The following NAV1 variants were observed in gnomAD, a reference collection of about 807,000 sequenced individuals.
The protein encoded by NAV1 is pore membrane and/or filament interacting like protein 3.
A neutral mutation model predicts 175.2 loss-of-function variants in NAV1; 18 were observed. The observed-to-expected ratio is 0.10, with a 90% confidence interval of 0.07 to 0.15. NAV1 has a LOEUF of 0.15. Among genes scored for constraint, NAV1 ranks in the 10% least tolerant of loss-of-function variants. The pLI is 1.00. For synonymous variants in NAV1, 897 were observed against 978.7 expected (o/e 0.92, Z 1.56); for missense variants, 1,731 against 2,436.6 (o/e 0.71, Z 6.10).
At position 201,539,637 on chromosome 1, in the gene NAV1, G is replaced by A. The variant is rs546758437; in HGVS notation, c.-144+295G>A. Among the ~76,000 whole-genome samples, 2 of 152,304 alleles carry A rather than the reference G, an allele frequency of 1.3e-5. No homozygotes were observed. The highest frequency in any genetic ancestry group is 4.8e-5 in the African/African-American group (2 of 41,574). On this transcript the variant is annotated intron_variant, in intron 1 of 33. Transcript: ENST00000685211. The surrounding 1 kb of genome is among the most constrained non-coding windows in gnomAD (Gnocchi z 5.6). ...GGGGCTGCCTAACTTCAGTCCCTCT[G>A]AGCCTCAGTTTCCTTGTTGTGAAAT...
chr1:201,584,569 G>A (rs540740786), intron 1 of NAV1, among the ~76,000 whole-genome samples: 1 of 152,340 alleles, frequency 6.6e-6, no homozygotes, highest in East Asian at 1.9e-4. Context: ...TCCTGGAGAT[G>A]GAATACAGCT....
At chr1:201,546,010 G>A (rs1665661484) in intron 1 of NAV1, among the ~76,000 whole-genome samples, 2 of 152,200 alleles carry the variant, frequency 1.3e-5, no homozygotes, top group African/African-American at 2.4e-5. Flanking sequence ...CTGGGAAGGA[G>A]TATCTGGGTT....
At chr1:201,553,311 C>T (rs1047531369) in intron 1 of NAV1, among the ~76,000 whole-genome samples, 16 of 152,222 alleles carry the variant, frequency 1.1e-4, no homozygotes, top group African/African-American at 3.6e-4. Context: ...CCAGGGCTGC[C>T]GGCTCTGTTT....
chr1:201,819,962 A>G, exon 30 of NAV1: 2 of 1,601,530 alleles, frequency 1.2e-6, no homozygotes, highest in African/African-American at 1.3e-5. Flanking sequence ...ACCCCCGGAC[A>G]GCAGAACGCT....
intron 17 of NAV1, among the ~76,000 whole-genome samples, chr1:201,804,775 CAAAATTGGCCTGTTAT>C (rs950559432): frequency 1.3e-5 from 2 of 152,114 alleles, no homozygotes; most frequent in African/African-American, 4.8e-5. Context: ...TCCCCTGTTA[CAAAATTGGCCTGTTAT>C]AAAAAGCAGT....
At chr1:201,688,991 G>C (rs1670790419) in intron 1 of NAV1, among the ~76,000 whole-genome samples, 3 of 152,324 alleles carry the variant, frequency 2.0e-5, no homozygotes, top group South Asian at 2.1e-4. Context: ...AACATGGGGA[G>C]ACTTGAGTGC....
intron 3 of NAV1, among the ~76,000 whole-genome samples, chr1:201,771,252 A>AAAC (rs1675564880): frequency 6.6e-6 from 1 of 151,264 alleles, no homozygotes. Context: ...AAAAAAAAAA[A>AAAC]AAACATCTGG....
At chr1:201,593,236 C>T (rs1051847579) in intron 2 of NAV1, among the ~76,000 whole-genome samples, 5 of 152,206 alleles carry the variant, frequency 3.3e-5, no homozygotes, top group African/African-American at 4.8e-5. Context: ...CCAGCCCCAT[C>T]GTCTCCAGCT....
chr1:201,785,048 G>A (rs563196438), intron 7 of NAV1, among the ~76,000 whole-genome samples: 83 of 152,332 alleles, frequency 5.4e-4, no homozygotes, highest in Middle Eastern at 3.4e-3. Flanking sequence ...GATTACAGGC[G>A]TGAGCTACGG....
At chr1:201,567,344 G>C (rs907116716) in intron 1 of NAV1, among the ~76,000 whole-genome samples, 1 of 152,210 alleles carries the variant, frequency 6.6e-6, no homozygotes. Flanking sequence ...TGGGCCAGAG[G>C]GGCCTTGTCC....
At chr1:201,572,256 C>G (rs1036973457) in intron 1 of NAV1, among the ~76,000 whole-genome samples, 2 of 152,148 alleles carry the variant, frequency 1.3e-5, no homozygotes, top group African/African-American at 2.4e-5. Flanking sequence ...GGCTACAGAA[C>G]CCTGGATCCT....
At chr1:201,794,644 A>G (rs1677325958) in intron 15 of NAV1, 67 bp downstream of exon 19, 2 of 1,363,546 alleles carry the variant, frequency 1.5e-6, no homozygotes, top group Non-Finnish European at 2.1e-6. Flanking sequence ...ACAGATTTTT[A>G]TCTGGGCCCA....
intron 1 of NAV1, among the ~76,000 whole-genome samples, chr1:201,575,001 G>T (rs1047434961): frequency 1.3e-5 from 2 of 152,218 alleles, no homozygotes; most frequent in African/African-American, 4.8e-5. Flanking sequence ...CCAGGCCATT[G>T]TCTAATCCTT....
At chr1:201,809,868 C>G (rs1678579793) in intron 22 of NAV1, 78 bp from the exon 27 acceptor site, 16 of 1,356,710 alleles carry the variant, frequency 1.2e-5, no homozygotes, top group Non-Finnish European at 1.6e-5. Flanking sequence ...TCTGTTTCCT[C>G]TGATAGACAT....
intron 2 of NAV1, among the ~76,000 whole-genome samples, chr1:201,599,782 C>A (rs895134378): frequency 1.3e-5 from 2 of 152,174 alleles, no homozygotes; most frequent in Non-Finnish European, 2.9e-5. Flanking sequence ...GGGATGGCGT[C>A]TGTGTCATAA....
Position 201,661,706 on chromosome 1 carries a change from T to C in NAV1, c.757+12281T>C, listed in dbSNP as rs145927590. 3.6e-4 allele frequency among the ~76,000 whole-genome samples: 55 copies of C among 152,286 alleles called. No homozygotes were observed. The East Asian group carries it at 7.0e-3, about 19-fold the overall frequency. ...GCAGAGGCTGGCACATGGCTGGTTC[T>C]GCAGATGTCAGCCCCATCAGCATTT... On this transcript the variant is annotated intron_variant, in intron 1 of 29. Coordinates refer to ENST00000367296, the Ensembl canonical transcript of NAV1.
intron 3 of NAV1, among the ~76,000 whole-genome samples, chr1:201,762,351 G>GT (rs1558136954): frequency 1.3e-5 from 2 of 152,188 alleles, no homozygotes; most frequent in African/African-American, 4.8e-5. Context: ...ATTTTTAGGG[G>GT]TTCTTTTTTT....
Position 201,552,766 on chromosome 1 carries a change from G to A in NAV1, c.-144+13424G>A, listed in dbSNP as rs984727772. ...ATCCTTGATCCACCGAACGTACACCGGACAGGCAAAGGGATGGAGCGAAGT... is the reference window on the plus strand; with the variant it reads ...ATCCTTGATCCACCGAACGTACACCAGACAGGCAAAGGGATGGAGCGAAGT... On this transcript the variant is annotated intron_variant, in intron 1 of 33. Coordinates refer to the NAV1 transcript ENST00000685211. Among the ~76,000 whole-genome samples the A allele has an allele frequency of 4.6e-5, 7 of 152,112 alleles. No individual in the cohort carries two copies. The East Asian group carries it at 5.8e-4, about 13-fold the overall frequency.
chr1:201,653,143 A>G (rs1669269883), intron 1 of NAV1, among the ~76,000 whole-genome samples: 1 of 152,224 alleles, frequency 6.6e-6, no homozygotes, highest in South Asian at 2.1e-4. Context: ...CCGAACAATC[A>G]CAAGTCGGGG....
Sources: gnomAD v4.1 joint callset for allele counts (sites outside exome capture counted in the v4.1 genomes callset) on GRCh38, gnomAD v4.1.1 for gene constraint, Gnocchi (gnomAD v3.1) non-coding constraint, MANE v1.5 for transcripts, NCBI Gene and HGNC (gene_info 2026-07-23, HGNC 2026-07-21) for gene names.